The following ZNHIT6 variants were observed in gnomAD, a reference collection of about 807,000 sequenced individuals.
ZNHIT6 encodes the protein zinc finger HIT-type containing 6, also known as box C/D snoRNA protein 1.
A neutral mutation model predicts 57.2 loss-of-function variants in ZNHIT6; 45 were observed. That is an observed-to-expected ratio of 0.79 (90% confidence interval 0.62 to 1.01). ZNHIT6 has a LOEUF of 1.01. Among genes scored for constraint, ZNHIT6 ranks in the 50% least tolerant of loss-of-function variants. ZNHIT6 has a pLI of 0.00. For missense variants in ZNHIT6, 528 were observed against 567.3 expected (o/e 0.93, Z 0.70); for synonymous variants, 188 against 190.0 (o/e 0.99, Z 0.09).
chr1:85,686,469 C>T (rs76665362), intron 5 of ZNHIT6, among the ~76,000 whole-genome samples: 5,398 of 152,104 alleles, frequency 0.035, 111 homozygotes, highest in Middle Eastern at 0.082. Flanking sequence ...GAGTTACAAA[C>T]GGAGGCTAAA....
At chr1:85,663,408 T>C (rs1054215494) in intron 8 of ZNHIT6, among the ~76,000 whole-genome samples, 2 of 152,138 alleles carry the variant, frequency 1.3e-5, no homozygotes, top group African/African-American at 2.4e-5. Context: ...TTTCAGAGCC[T>C]ACGATTCCTA....
At chr1:85,700,638 T>A (rs2100716898) in intron 5 of ZNHIT6, among the ~76,000 whole-genome samples, 1 of 152,346 alleles carries the variant, frequency 6.6e-6, no homozygotes, top group East Asian at 1.9e-4. Context: ...ACAATCATTC[T>A]GAATAGTTTC....
At position 85,680,913 on chromosome 1, in the gene ZNHIT6, G is replaced by A. The variant is rs757871111; in HGVS notation, c.1020-9C>T. 10 of 1,605,648 alleles carry A rather than the reference G, an allele frequency of 6.2e-6. No individual in the cohort carries two copies. The highest frequency in any genetic ancestry group is 6.0e-6 in the Non-Finnish European group (7 of 1,174,956). ...AACAAAACTGTTGTTTTCTAAGAGAGAAAATAATCATGTGAGAATCAAGGT... is the reference window on the plus strand; with the variant it reads ...AACAAAACTGTTGTTTTCTAAGAGAAAAAATAATCATGTGAGAATCAAGGT... On this transcript the variant is annotated splice_polypyrimidine_tract_variant and intron_variant, in intron 5 of 9. Transcript: ENST00000370574.
chr1:85,692,022 A>T (rs1662235875), intron 5 of ZNHIT6, among the ~76,000 whole-genome samples: 1 of 152,160 alleles, frequency 6.6e-6, no homozygotes, highest in South Asian at 2.1e-4. Context: ...TACAAAAATT[A>T]GCCAAGTTTG....
chr1:85,650,026 C>T lies in ZNHIT6; in HGVS notation c.*4032G>A, dbSNP rs997359810. 2.0e-5 allele frequency: 3 copies of T among 152,220 alleles called. No individual in the cohort carries two copies. Among genetic ancestry groups the T allele is most frequent in the Non-Finnish European group, 2.9e-5 (2 of 68,050 alleles). The allele number at this position is 152,220 out of a possible 1,614,324, so 9.4% of individuals were successfully genotyped here. ...TTGCTACTCAAATTCAAACAGGGTG[C>T]AATGAATGTGTTACTTTCGTATTCC... is the stretch of plus-strand genomic sequence containing the variant. On this transcript the variant is annotated 3_prime_UTR_variant, in exon 10 of 10. Transcript: ENST00000370574.
rs1034916299 is a variant in ZNHIT6, at chr1:85,652,185, A to G, written c.*1873T>C. 2 of 152,194 alleles carry G rather than the reference A, an allele frequency of 1.3e-5. No homozygotes were observed. Among genetic ancestry groups the G allele is most frequent in the Admixed American group, 1.3e-4 (2 of 15,276 alleles). The allele number at this position is 152,194 out of a possible 1,614,324, so 9.4% of individuals were successfully genotyped here. ...TTTCTTGGAAATGAGACTACATCAT[A>G]ACAGATTTCACTGTCAAAAAATTCC... is the stretch of plus-strand genomic sequence containing the variant. On this transcript the variant is annotated 3_prime_UTR_variant, in exon 10 of 10. Transcript: ENST00000370574.
intron 5 of ZNHIT6, among the ~76,000 whole-genome samples, chr1:85,694,099 GAA>G (rs909656778): frequency 2.0e-5 from 3 of 152,180 alleles, no homozygotes; most frequent in Non-Finnish European, 4.4e-5. Flanking sequence ...GAAATGACAA[GAA>G]AAGTCTTTCT....
At chr1:85,685,009 T>C (rs1349574748) in intron 5 of ZNHIT6, among the ~76,000 whole-genome samples, 1 of 152,144 alleles carries the variant, frequency 6.6e-6, no homozygotes, top group Non-Finnish European at 1.5e-5. Flanking sequence ...CTTTTCAGGT[T>C]TGTAGAAATG....
At position 85,690,204 on chromosome 1, in the gene ZNHIT6, C is replaced by T. The variant is rs182437274; in HGVS notation, c.1020-9300G>A. ...CACATTCAGATATGGATCACTCGTA[C>T]GAACAGGAAGATTTCCTGCTCAAAG... On this transcript the variant is annotated intron_variant, in intron 5 of 9. Transcript: ENST00000370574. 4.4e-4 allele frequency among the ~76,000 whole-genome samples: 67 copies of T among 152,220 alleles called. 1 individual carries two copies. The highest frequency in any genetic ancestry group is 8.5e-4 in the Admixed American group (13 of 15,282).
intron 7 of ZNHIT6, among the ~76,000 whole-genome samples, 159 bp from the exon 8 acceptor site, chr1:85,677,472 GAAAAT>G (rs1158497606): frequency 6.6e-6 from 1 of 152,064 alleles, no homozygotes; most frequent in Non-Finnish European, 1.5e-5. Context: ...AATCTGAAAA[GAAAAT>G]AATTTTTTTC....
chr1:85,698,476 T>A (rs939678246), intron 5 of ZNHIT6, among the ~76,000 whole-genome samples: 5 of 152,034 alleles, frequency 3.3e-5, no homozygotes, highest in Non-Finnish European at 7.4e-5. Context: ...AAAACTTTTT[T>A]TAAAAAAAAT....
chr1:85,708,067 A>G lies in ZNHIT6; in HGVS notation c.218T>C (p.Met73Thr). Residue 73 changes from methionine to threonine, a missense_variant, in exon 1 of 10, where the codon ATG becomes ACG. Transcript: ENST00000370574. ...GSGQRPEEIP[M>T]DLTVVKQEII... ...TTCCTGCTTCACTACCGTTAGGTCC[A>G]TCGGTATTTCCTCTGGCCTTTGTCC... 2 of 1,614,016 alleles carry G rather than the reference A, an allele frequency of 1.2e-6. No homozygotes were observed. Among genetic ancestry groups the G allele is most frequent in the African/African-American group, 1.3e-5 (1 of 74,970 alleles).
intron 5 of ZNHIT6, among the ~76,000 whole-genome samples, chr1:85,696,092 C>T (rs572685613): frequency 1.3e-4 from 19 of 151,806 alleles, no homozygotes; most frequent in African/African-American, 4.6e-4. Context: ...CTAACAGACA[C>T]AAAGTATATA....
rs145610147 is a variant in ZNHIT6, at chr1:85,667,474, A to C, written c.1248-9503T>G. Among the ~76,000 whole-genome samples, 72 of 152,220 alleles carry C rather than the reference A, an allele frequency of 4.7e-4. No individual in the cohort carries two copies. In the East Asian group the frequency reaches 0.013, roughly 27 times the overall value. On this transcript the variant is annotated intron_variant, in intron 8 of 9. Transcript: ENST00000370574. ...GTGAAAAACAATGATACTTTTGTAC[A>C]TTCTTAAATTGACATCCTACAAGTT... is the stretch of plus-strand genomic sequence containing the variant.
intron 5 of ZNHIT6, among the ~76,000 whole-genome samples, chr1:85,698,003 A>G (rs1347130670): frequency 6.6e-6 from 1 of 152,204 alleles, no homozygotes; most frequent in African/African-American, 2.4e-5. Context: ...CCACTATTTT[A>G]AAGTAGCTTG....
intron 8 of ZNHIT6, among the ~76,000 whole-genome samples, chr1:85,672,171 C>A (rs1405546159): frequency 6.6e-6 from 1 of 152,096 alleles, no homozygotes; most frequent in Admixed American, 6.6e-5. Context: ...ATGCTCTTAG[C>A]CTCTCCAGAC....
intron 5 of ZNHIT6, among the ~76,000 whole-genome samples, chr1:85,683,623 T>C (rs1661942335): frequency 6.6e-6 from 1 of 152,214 alleles, no homozygotes; most frequent in Admixed American, 6.5e-5. Context: ...TCCTGACATG[T>C]GTTCTTCTTA....
chr1:85,677,577 G>A lies in ZNHIT6; in HGVS notation c.1170-264C>T, dbSNP rs577991089. 4.6e-5 allele frequency among the ~76,000 whole-genome samples: 7 copies of A among 152,190 alleles called. No individual in the cohort carries two copies. In the South Asian group the frequency reaches 1.2e-3, roughly 27 times the overall value. ...ATTTTACAAAAATGTATCCTATTCA[G>A]TGACATTTTGTCTTACTGGCAAATA... is the stretch of plus-strand genomic sequence containing the variant. On this transcript the variant is annotated intron_variant, in intron 7 of 9. Transcript: ENST00000370574.
intron 5 of ZNHIT6, among the ~76,000 whole-genome samples, chr1:85,683,008 G>A (rs1661920377): frequency 1.3e-5 from 2 of 151,426 alleles, no homozygotes; most frequent in African/African-American, 4.9e-5. Context: ...TTTGAGCCCA[G>A]GAGTTTGAGA....
Sources: gnomAD v4.1 joint callset for allele counts (sites outside exome capture counted in the v4.1 genomes callset) on GRCh38, gnomAD v4.1.1 for gene constraint, MANE v1.5 for transcripts, NCBI Gene and HGNC (gene_info 2026-07-23, HGNC 2026-07-21) for gene names.